The following KCNN3 variants were observed in gnomAD, a reference collection of about 807,000 sequenced individuals.
KCNN3 encodes the protein small conductance calcium-activated potassium channel protein 3.
Under a neutral mutation model 62.9 loss-of-function variants are expected in KCNN3, and 16 were observed. That is an observed-to-expected ratio of 0.25 (90% CI 0.17 to 0.39). The LOEUF (loss-of-function observed/expected upper bound fraction) is 0.39. Among genes scored for constraint, KCNN3 ranks in the 10% least tolerant of loss-of-function variants. The probability of loss-of-function intolerance (pLI) is 1.00; values close to 1 mark genes in which losing one functional copy is unlikely to be tolerated. For missense variants in KCNN3, 599 were observed against 949.4 expected, an observed-to-expected ratio of 0.63 and a Z score of 4.85; for synonymous variants, 370 against 389.2, an observed-to-expected ratio of 0.95 and a Z score of 0.58.
At chr1:154,842,062 C>T (rs6691463) in intron 1 of KCNN3, among the ~76,000 whole-genome samples, 2 of 152,022 alleles carry the variant, frequency 1.3e-5, no homozygotes, top group South Asian at 2.1e-4. Flanking sequence ...AGGGGAGACC[C>T]CCGGGAGTGC....
chr1:154,793,712 C>T (rs1571282164), intron 2 of KCNN3, among the ~76,000 whole-genome samples: 1 of 152,284 alleles, frequency 6.6e-6, no homozygotes, highest in East Asian at 1.9e-4. Flanking sequence ...CAGTGAAATA[C>T]CTCTAAGAAT....
rs1182898363 is a variant in KCNN3, at chr1:154,853,682, G to A, written c.933+15350C>T. On this transcript the variant is annotated intron_variant, in intron 1 of 7. Coordinates refer to ENST00000271915, the MANE Select transcript of KCNN3 (RefSeq NM_002249.6). ...CTCTCAGCCGGGCATGGTGGCTCATGCCTGTAATCCCAGCACTTTGGGAGG... is the reference window on the plus strand; with the variant it reads ...CTCTCAGCCGGGCATGGTGGCTCATACCTGTAATCCCAGCACTTTGGGAGG... 3.3e-5 allele frequency among the ~76,000 whole-genome samples: 5 copies of A among 152,232 alleles called. No individual in the cohort carries two copies. In the East Asian group the frequency reaches 9.6e-4, roughly 29 times the overall value.
intron 3 of KCNN3, among the ~76,000 whole-genome samples, chr1:154,755,944 A>G (rs933208874): frequency 2.5e-5 from 2 of 79,926 alleles, no homozygotes; most frequent in Non-Finnish European, 4.7e-5. Flanking sequence ...GAGGATGGGG[A>G]GGGGAGGAGG....
At chr1:154,854,418 T>C (rs1185306070) in intron 1 of KCNN3, among the ~76,000 whole-genome samples, 2 of 152,182 alleles carry the variant, frequency 1.3e-5, no homozygotes, top group Admixed American at 6.5e-5. Flanking sequence ...GTAAAATTAG[T>C]TGGGGCCTTA....
chr1:154,758,896 C>T (rs1273770722), intron 3 of KCNN3, among the ~76,000 whole-genome samples: 1 of 151,276 alleles, frequency 6.6e-6, no homozygotes, highest in Non-Finnish European at 1.5e-5. Context: ...CATCCTCCAC[C>T]TCCTGAGTTC....
At chr1:154,755,539 A>AG (rs1647618781) in intron 3 of KCNN3, among the ~76,000 whole-genome samples, 1 of 80,858 alleles carries the variant, frequency 1.2e-5, no homozygotes, top group Non-Finnish European at 3.0e-5. Context: ...AGAAGAAAGG[A>AG]AAGGAAGGAA....
At chr1:154,805,912 T>C (rs1273196839) in intron 2 of KCNN3, among the ~76,000 whole-genome samples, 2 of 152,146 alleles carry the variant, frequency 1.3e-5, no homozygotes, top group Non-Finnish European at 2.9e-5. Flanking sequence ...TCAGTTGACT[T>C]TAAAATAGGG....
At chr1:154,786,286 C>A (rs1012819728) in intron 2 of KCNN3, among the ~76,000 whole-genome samples, 1 of 152,144 alleles carries the variant, frequency 6.6e-6, no homozygotes, top group African/African-American at 2.4e-5. Context: ...TTATAATCCT[C>A]CTAAGGCAAA....
chr1:154,801,851 T>C (rs1399492602), intron 2 of KCNN3, among the ~76,000 whole-genome samples: 3 of 152,166 alleles, frequency 2.0e-5, no homozygotes, highest in African/African-American at 7.2e-5. Context: ...TGTTTGCTGA[T>C]GTCAGCACCA....
At chr1:154,757,680 G>A (rs1647792651) in intron 3 of KCNN3, among the ~76,000 whole-genome samples, 1 of 152,142 alleles carries the variant, frequency 6.6e-6, no homozygotes. Flanking sequence ...CTAACACTTG[G>A]GGCACTATGT....
intron 1 of KCNN3, among the ~76,000 whole-genome samples, chr1:154,834,352 TGCAAAGA>T (rs1651495460): frequency 6.6e-6 from 1 of 152,246 alleles, no homozygotes; most frequent in South Asian, 2.1e-4. Flanking sequence ...AACTGCAAGA[TGCAAAGA>T]CTCCTTGGGT....
chr1:154,778,909 C>T (rs532359863), intron 2 of KCNN3, among the ~76,000 whole-genome samples: 9 of 152,268 alleles, frequency 5.9e-5, no homozygotes, highest in African/African-American at 1.9e-4. Context: ...GCCAGTACAG[C>T]CTATTTCTCA....
rs998068170 is a variant in KCNN3 at position 154,848,093 on chromosome 1, C to A, written c.933+20939G>T. ...AGCGCTGATGAGTTCCAGAAGGAGG[C>A]CTCCCCCCCTCCCCAGCCAGAGTGG... is the stretch of plus-strand genomic sequence containing the variant. On this transcript the variant is annotated intron_variant, in intron 1 of 7. Coordinates refer to ENST00000271915, the MANE Select transcript of KCNN3 (RefSeq NM_002249.6). 8.5e-5 allele frequency among the ~76,000 whole-genome samples: 13 copies of A among 152,298 alleles called. No individual in the cohort carries two copies. The East Asian group carries it at 2.5e-3, about 29-fold the overall frequency.
At chr1:154,725,545 CTTTT>C (rs748710722) in intron 5 of KCNN3, among the ~76,000 whole-genome samples, 1 of 136,224 alleles carries the variant, frequency 7.3e-6, no homozygotes. Context: ...TTCCTTCCTT[CTTTT>C]TTTTTTTTTT....
Position 154,806,799 on chromosome 1 carries a change from T to C in KCNN3, c.1029+15290A>G, listed in dbSNP as rs1650189521. The stretch of plus-strand genomic sequence containing the variant: ...GAATAAATCTTATGTCAGCTCAGGA[T>C]TGTTGTAATTGCAGTTCTGTATAAT... On this transcript the variant is annotated intron_variant, in intron 2 of 7. Transcript: ENST00000271915. Among the ~76,000 whole-genome samples, 7 of 152,246 alleles carry C rather than the reference T, an allele frequency of 4.6e-5. No individual in the cohort carries two copies. The South Asian group carries it at 1.5e-3, about 32-fold the overall frequency.
At chr1:154,801,487 G>A (rs988337439) in intron 2 of KCNN3, among the ~76,000 whole-genome samples, 1 of 152,148 alleles carries the variant, frequency 6.6e-6, no homozygotes, top group Non-Finnish European at 1.5e-5. Context: ...AAGAGCCTAC[G>A]CCAAAAGGAC....
chr1:154,746,309 T>A (rs1053424829), intron 3 of KCNN3, among the ~76,000 whole-genome samples: 1 of 152,068 alleles, frequency 6.6e-6, no homozygotes. Flanking sequence ...CACGGCTATC[T>A]CAGAGGAGCA....
chr1:154,714,284 G>GTGTGTGTGGTT (rs1700163052), intron 6 of KCNN3, among the ~76,000 whole-genome samples: 1 of 143,422 alleles, frequency 7.0e-6, no homozygotes. Flanking sequence ...TGTGTGTGGT[G>GTGTGTGTGGTT]TGTGGTGTGT....
intron 1 of KCNN3, among the ~76,000 whole-genome samples, chr1:154,867,094 C>G (rs931937829): frequency 6.6e-6 from 1 of 152,230 alleles, no homozygotes; most frequent in African/African-American, 2.4e-5. Flanking sequence ...CCCACACCCC[C>G]CTTGCATTTG....
Sources: allele counts gnomAD v4.1 joint callset (sites outside exome capture counted in the v4.1 genomes callset), GRCh38; gene constraint gnomAD v4.1.1; transcripts MANE v1.5; gene names NCBI Gene and HGNC (gene_info 2026-07-23, HGNC 2026-07-21).